Variants in PLAGL1 observed in about 807,000 individuals in gnomAD.
PLAGL1 encodes the protein zinc finger protein PLAGL1.
In PLAGL1, 1 loss-of-function variant was observed where a neutral mutation model predicts 4.6. That is an observed-to-expected ratio of 0.22 (90% CI 0.08 to 1.03). The LOEUF is 1.03. Ranked by LOEUF, PLAGL1 falls within the 50% of genes least tolerant of loss-of-function variation. PLAGL1 has a pLI of 0.58. For missense variants in PLAGL1, 464 were observed against 570.4 expected, an observed-to-expected ratio of 0.81 and a Z score of 1.90; for synonymous variants, 240 against 237.8, an observed-to-expected ratio of 1.01 and a Z score of -0.08.
chr6:143,967,406 T>G (rs1222020019), intron 3 of PLAGL1: 1 of 152,168 alleles, frequency 6.6e-6, no homozygotes, highest in Non-Finnish European at 1.5e-5. Flanking sequence ...GTATAAATAA[T>G]GGATTCACTT....
At position 143,940,923 on chromosome 6, in the gene PLAGL1, G is replaced by GTAAC. The variant is rs1171343484; in HGVS notation, c.*497_*500dup. The GTAAC allele has an allele frequency of 3.3e-5, 5 of 152,630 alleles. No individual in the cohort carries two copies. The highest frequency in any genetic ancestry group is 9.7e-5 in the African/African-American group (4 of 41,438). 9.5% of individuals were successfully genotyped at this position (152,630 alleles called of 1,614,324 possible). ...AAACTACAGGTTGGCTATGGTAATA[G>GTAAC]TAACTAAACTACATCCAACCCTGAA... is the stretch of plus-strand genomic sequence containing the variant. On this transcript the variant is annotated 3_prime_UTR_variant, in exon 8 of 8. Transcript: ENST00000674357.
In PLAGL1 at chr6:144,050,583, C is replaced by A. The variant is rs1798509259; in HGVS notation, c.-151+13885G>T. Among the ~76,000 whole-genome samples, 6 of 152,272 alleles carry A rather than the reference C, an allele frequency of 3.9e-5. No homozygotes were observed. In the South Asian group the frequency reaches 1.2e-3, roughly 32 times the overall value. Reference sequence around the variant, plus strand: ...TTATTCCTGCCTTGCAAAGAATAAGCACATGATATTTATACACATCTCTGT... The same window carrying A: ...TTATTCCTGCCTTGCAAAGAATAAGAACATGATATTTATACACATCTCTGT... On this transcript the variant is annotated intron_variant, in intron 1 of 3. Transcript: ENST00000437412. The surrounding 1 kb of genome is among the most constrained non-coding windows in gnomAD (Gnocchi z 4.3).
chr6:144,024,826 G>A (rs1037468206), intron 1 of PLAGL1, among the ~76,000 whole-genome samples: 6 of 152,124 alleles, frequency 3.9e-5, no homozygotes, highest in African/African-American at 1.2e-4. Flanking sequence ...TTGAATTATA[G>A]CCCAAAGTAT....
intron 1 of PLAGL1, among the ~76,000 whole-genome samples, chr6:144,040,373 A>C (rs1169735178): frequency 2.0e-5 from 3 of 151,616 alleles, no homozygotes; most frequent in Non-Finnish European, 4.4e-5. Context: ...TATTAAAAAA[A>C]CAAAAATTAG....
chr6:144,061,273 C>T lies in PLAGL1; in HGVS notation c.-151+3195G>A, dbSNP rs916098744. Among the ~76,000 whole-genome samples, 20 of 152,226 alleles carry T rather than the reference C, an allele frequency of 1.3e-4. No individual in the cohort carries two copies. Among genetic ancestry groups the T allele is most frequent in the Admixed American group, 3.3e-4 (5 of 15,288 alleles). ...GGAGCCTCTCATTTCACTTCAGTTA[C>T]CCATCAGCCATATGACGTTAGCAAG... is the stretch of plus-strand genomic sequence containing the variant. On this transcript the variant is annotated intron_variant, in intron 1 of 3. Coordinates refer to the PLAGL1 transcript ENST00000437412. This position sits in a 1 kb window ranked among gnomAD's most constrained non-coding sequence, Gnocchi z 4.4.
chr6:143,985,982 T>TTTTATATATATA lies in PLAGL1; in HGVS notation c.-583-809_-583-808insTATATATATAAA, dbSNP rs372792641. ...TATATCAAATTATATATATATAAAATTATATATATATATATATATATATAT... is the reference window on the plus strand; with the variant it reads ...TATATCAAATTATATATATATAAAATTTTATATATATATATATATATATATATATATATATAT... On this transcript the variant is annotated intron_variant, in intron 1 of 7. Transcript: ENST00000674357. This position sits in a 1 kb window ranked among gnomAD's most constrained non-coding sequence, Gnocchi z 4.4. Among the ~76,000 whole-genome samples, 1 of 111,582 alleles carries TTTTATATATATA rather than the reference T, an allele frequency of 9.0e-6. No individual in the cohort carries two copies. Among genetic ancestry groups the TTTTATATATATA allele is most frequent in the African/African-American group, 3.5e-5 (1 of 28,912 alleles). 73.2% of individuals were successfully genotyped at this position (111,582 alleles called of 152,430 possible).
Position 143,972,857 on chromosome 6 carries a change from C to T in PLAGL1, c.-543-3879G>A, listed in dbSNP as rs545511034. On this transcript the variant is annotated intron_variant, in intron 2 of 7. Transcript: ENST00000674357. This position sits in a 1 kb window ranked among gnomAD's most constrained non-coding sequence, Gnocchi z 6.8. ...TACTTCTGTGTTTAAAAAAAGAGGG[C>T]GGGTGGAGAATCAACTTCTACTTAA... Among the ~76,000 whole-genome samples, 123 of 152,162 alleles carry T rather than the reference C, an allele frequency of 8.1e-4. No homozygotes were observed. Among genetic ancestry groups the T allele is most frequent in the Non-Finnish European group, 1.6e-3 (108 of 68,002 alleles).
chr6:144,007,916 G>C (rs1794637561), intron 1 of PLAGL1, 174 bp downstream of exon 1: 1 of 152,072 alleles, frequency 6.6e-6, no homozygotes, highest in Non-Finnish European at 1.5e-5. Flanking sequence ...TGCGGGTGAC[G>C]ATCTGCGGGG....
In PLAGL1 at chr6:143,940,772, G is replaced by GTCTT. The variant is rs1051422346; in HGVS notation, c.*648_*651dup. On this transcript the variant is annotated 3_prime_UTR_variant, in exon 8 of 8. Transcript: ENST00000674357. ...TCAGATGTAACTGACAACCAGTTTA[G>GTCTT]TCTTTCTTTAAGATAAATGAAGTGA... 23 of 149,004 alleles carry GTCTT rather than the reference G, an allele frequency of 1.5e-4. No homozygotes were observed. The highest frequency in any genetic ancestry group is 1.3e-3 in the Admixed American group (20 of 14,868). The allele number at this position is 149,004 out of a possible 1,614,324, so 9.2% of individuals were successfully genotyped here.
At position 143,958,622 on chromosome 6, in the gene PLAGL1, C is replaced by T. The variant is rs1178803862; in HGVS notation, c.-325+1847G>A. 1.3e-5 allele frequency among the ~76,000 whole-genome samples: 2 copies of T among 152,090 alleles called. No individual in the cohort carries two copies. The highest frequency in any genetic ancestry group is 2.9e-5 in the Non-Finnish European group (2 of 68,012). On this transcript the variant is annotated intron_variant, in intron 6 of 7. Transcript: ENST00000674357. The surrounding 1 kb of genome is among the most constrained non-coding windows in gnomAD (Gnocchi z 5.1). Reference sequence around the variant, plus strand: ...CTTTCCATGTCATGTCCAATAAATTCAAAGGATGCAAAGCAAATTGTTCAT... The same window carrying T: ...CTTTCCATGTCATGTCCAATAAATTTAAAGGATGCAAAGCAAATTGTTCAT...
chr6:144,040,002 A>T (rs2128715877), intron 1 of PLAGL1, among the ~76,000 whole-genome samples: 1 of 152,332 alleles, frequency 6.6e-6, no homozygotes, highest in South Asian at 2.1e-4. Flanking sequence ...AACATTCAAC[A>T]ACAAGCAAAA....
chr6:143,951,809 G>T (rs1015168917), intron 6 of PLAGL1, among the ~76,000 whole-genome samples: 8 of 152,148 alleles, frequency 5.3e-5, no homozygotes, highest in African/African-American at 1.9e-4. Context: ...TTTTCCCAAG[G>T]CTTTGAGTTC....
chr6:143,958,070 C>T lies in PLAGL1; in HGVS notation c.-325+2399G>A, dbSNP rs997200465. ...ATGTGGAACACGTGGTGCAGCCTGG[C>T]TGGGATGGGCAGGAGAGGGGCCTGT... On this transcript the variant is annotated intron_variant, in intron 6 of 7. Transcript: ENST00000674357. The surrounding 1 kb of genome is among the most constrained non-coding windows in gnomAD (Gnocchi z 5.1). Among the ~76,000 whole-genome samples, 1 of 152,124 alleles carries T rather than the reference C, an allele frequency of 6.6e-6. No individual in the cohort carries two copies. The highest frequency in any genetic ancestry group is 6.6e-5 in the Admixed American group (1 of 15,258).
At chr6:143,999,032 C>T (rs73006262) in intron 1 of PLAGL1, among the ~76,000 whole-genome samples, 26,478 of 151,870 alleles carry the variant, frequency 0.17, 2,395 homozygotes, top group Middle Eastern at 0.22. Flanking sequence ...CCAGTGGTCA[C>T]TACACATGAT....
rs1182342940 is a variant in PLAGL1 at position 143,985,978 on chromosome 6, A to AT, written c.-583-805_-583-804insA. On this transcript the variant is annotated intron_variant, in intron 1 of 7. Transcript: ENST00000674357. The surrounding 1 kb of genome is among the most constrained non-coding windows in gnomAD (Gnocchi z 4.4). ...CATATATATCAAATTATATATATAT[A>AT]AAATTATATATATATATATATATAT... Among the ~76,000 whole-genome samples, 25 of 83,700 alleles carry AT rather than the reference A, an allele frequency of 3.0e-4. No individual in the cohort carries two copies. Among genetic ancestry groups the AT allele is most frequent in the East Asian group, 7.1e-4 (2 of 2,832 alleles). The allele number at this position is 83,700 out of a possible 152,430, so 54.9% of individuals were successfully genotyped here. A position where few individuals can be genotyped will look rare whatever the true frequency, so the allele number is the denominator to read the frequency against.
At position 143,989,825 on chromosome 6, in the gene PLAGL1, C is replaced by T. The variant is rs886833349; in HGVS notation, c.-583-4651G>A. Among the ~76,000 whole-genome samples, 2 of 152,188 alleles carry T rather than the reference C, an allele frequency of 1.3e-5. No homozygotes were observed. The highest frequency in any genetic ancestry group is 2.9e-5 in the Non-Finnish European group (2 of 68,028). On this transcript the variant is annotated intron_variant, in intron 1 of 7. Transcript: ENST00000674357. This position sits in a 1 kb window ranked among gnomAD's most constrained non-coding sequence, Gnocchi z 4.8. The stretch of plus-strand genomic sequence containing the variant: ...TCCCTAATCTTTGGTCATTTCATTT[C>T]ACACCTTCTCTCCTATCTTCCAATT...
In PLAGL1 at chr6:143,960,943, A is replaced by G. The variant is rs1783264220; in HGVS notation, c.-398-401T>C. Reference sequence around the variant, plus strand: ...TTCTGAATTGAAAGAAAGTCAGCAAATAACCAGTTGGCACTCAACAAAGGA... The same window carrying G: ...TTCTGAATTGAAAGAAAGTCAGCAAGTAACCAGTTGGCACTCAACAAAGGA... On this transcript the variant is annotated intron_variant, in intron 5 of 7. Coordinates refer to ENST00000674357, the MANE Select transcript of PLAGL1 (RefSeq NM_001317162.2). The surrounding 1 kb of genome is among the most constrained non-coding windows in gnomAD (Gnocchi z 5.7). 1 of 152,250 alleles carries G rather than the reference A, an allele frequency of 6.6e-6. No individual in the cohort carries two copies. Among genetic ancestry groups the G allele is most frequent in the South Asian group, 2.1e-4 (1 of 4,826 alleles). The allele number at this position is 152,250 out of a possible 1,614,324, so 9.4% of individuals were successfully genotyped here. A position where few individuals can be genotyped will look rare whatever the true frequency, so the allele number is the denominator to read the frequency against.
chr6:143,941,974 G>A lies in PLAGL1; in HGVS notation c.842C>T (p.Ser281Phe), dbSNP rs1220910077. 1 of 1,596,538 alleles carries A rather than the reference G, an allele frequency of 6.3e-7. No individual in the cohort carries two copies. Among genetic ancestry groups the A allele is most frequent in the Non-Finnish European group, 8.5e-7 (1 of 1,170,438 alleles). Residue 281 changes from serine to phenylalanine, a missense_variant, in exon 8 of 8, where the codon TCC becomes TTC. By Grantham distance (155) the Ser-to-Phe change is radical. Transcript: ENST00000674357. The surrounding 1 kb of genome is among the most constrained non-coding windows in gnomAD (Gnocchi z 6.0). The stretch of plus-strand genomic sequence containing the variant: ...TACCGAGGGGTGGAGGGAGGCCAGG[G>A]ACTCTGGCAGCGGCTGCATAGGCTG... ...AAQPMQPLPE[S>F]LASLHPSVSP...
upstream of PLAGL1, among the ~76,000 whole-genome samples, chr6:144,011,812 A>G (rs1795210785): frequency 6.6e-6 from 1 of 152,194 alleles, no homozygotes; most frequent in African/African-American, 2.4e-5. The surrounding 1 kb of genome is among the most constrained non-coding windows in gnomAD (Gnocchi z 4.3). Context: ...ACTTCAAGCT[A>G]GCCAAGGGAA....
Sources: gnomAD v4.1 joint callset for allele counts (sites outside exome capture counted in the v4.1 genomes callset) on GRCh38, gnomAD v4.1.1 for gene constraint, Gnocchi (gnomAD v3.1) non-coding constraint, MANE v1.5 for transcripts, NCBI Gene and HGNC (gene_info 2026-07-23, HGNC 2026-07-21) for gene names.